MFF: variants seen among roughly 807,000 people sequenced by gnomAD.
MFF encodes mitochondrial fission factor.
MFF carries 12 observed loss-of-function variants against 36.9 expected under a neutral mutation model. The ratio of observed to expected loss-of-function variants is 0.33; its 90% CI spans 0.21 to 0.53. The LOEUF (loss-of-function observed/expected upper bound fraction) is 0.53, where lower values mean the gene tolerates loss of function less well. Ranked by LOEUF, MFF falls within the 20% of genes least tolerant of loss-of-function variation. The probability of loss-of-function intolerance (pLI) is 0.95; values close to 1 mark genes in which losing one functional copy is unlikely to be tolerated. For missense variants in MFF, 348 were observed against 366.6 expected (o/e 0.95, Z 0.42); for synonymous variants, 99 against 126.2 (o/e 0.78, Z 1.44).
intron 5 of MFF, among the ~76,000 whole-genome samples, chr2:227,343,066 TATA>T (rs533603160): frequency 7.3e-4 from 111 of 152,216 alleles, no homozygotes; most frequent in African/African-American, 2.6e-3. Flanking sequence ...GAACCTGAAA[TATA>T]ATATGCACAT....
At chr2:227,327,913 A>G (rs1025071760) in intron 1 of MFF, among the ~76,000 whole-genome samples, 2 of 152,214 alleles carry the variant, frequency 1.3e-5, no homozygotes, top group African/African-American at 4.8e-5. Context: ...AGAGCATCTC[A>G]TCTGGAATGA....
At chr2:227,327,259 T>C (rs1049895848) in intron 1 of MFF, among the ~76,000 whole-genome samples, 4 of 152,130 alleles carry the variant, frequency 2.6e-5, no homozygotes, top group Admixed American at 6.5e-5. Context: ...TATGAAATCA[T>C]CTGTGATTCT....
intron 6 of MFF, among the ~76,000 whole-genome samples, chr2:227,350,235 C>T (rs1367669577): frequency 1.3e-5 from 2 of 152,072 alleles, no homozygotes; most frequent in Non-Finnish European, 2.9e-5. Context: ...GTGTCATTTG[C>T]TCAGGTGCAG....
chr2:227,349,227 A>G (rs2075866962), intron 6 of MFF, among the ~76,000 whole-genome samples: 2 of 152,136 alleles, frequency 1.3e-5, no homozygotes, highest in Non-Finnish European at 2.9e-5. Flanking sequence ...ACCAGCATAT[A>G]CACAGTTCAT....
chr2:227,347,489 T>C, intron 6 of MFF, 105 bp downstream of exon 6: 1 of 864,680 alleles, frequency 1.2e-6, no homozygotes, highest in Non-Finnish European at 1.8e-6. Context: ...TCTAGCCTCT[T>C]TCTAAGATGC....
At position 227,352,460 on chromosome 2, in the gene MFF, C is replaced by T. The variant is rs2076045788; in HGVS notation, c.600-54C>T. The stretch of plus-strand genomic sequence containing the variant: ...TCTTGTTTTTGCTTTTATTTTATTA[C>T]TTCTCTGTTTCCTGATTCTGTCTTG... On this transcript the variant is annotated intron_variant, in intron 6 of 8. Transcript: ENST00000304593. The T allele has an allele frequency of 3.1e-6, 4 of 1,303,256 alleles. No homozygotes were observed. The highest frequency in any genetic ancestry group is 4.7e-5 in the East Asian group (2 of 42,780). The allele number at this position is 1,303,256 out of a possible 1,614,324, so 80.7% of individuals were successfully genotyped here.
rs759482426 is a variant in MFF, at chr2:227,355,757, G to A, written c.740G>A (p.Arg247Gln). 4.4e-6 allele frequency: 7 copies of A among 1,586,978 alleles called. No homozygotes were observed. Among genetic ancestry groups the A allele is most frequent in the South Asian group, 3.3e-5 (3 of 90,310 alleles). ...GTTGTAGATGCAGCTTCACTAAGAC[G>A]ACAGGTATTTAGTGTACCAAATAAG... ...LTVVDAASLR[R>Q]QIIKLNRRLQ... Residue 247 changes from arginine (R) to glutamine (Q), a missense_variant, in exon 8 of 9, where the codon CGA becomes CAA. Coordinates refer to ENST00000304593, the MANE Select transcript of MFF (RefSeq NM_001277062.2).
chr2:227,339,281 C>G (rs1457678212), intron 4 of MFF, among the ~76,000 whole-genome samples: 5 of 151,548 alleles, frequency 3.3e-5, no homozygotes, highest in Non-Finnish European at 5.9e-5. Context: ...TTCTGTGTAA[C>G]AAATCATCTT....
intron 3 of MFF, 151 bp from the exon 4 acceptor site, chr2:227,332,268 G>A (rs374751503): frequency 2.6e-5 from 16 of 607,012 alleles, no homozygotes; most frequent in South Asian, 7.1e-5. Context: ...CACCGCGCCC[G>A]GCCTGGAAGC....
At chr2:227,327,886 T>TA (rs2074276103) in intron 1 of MFF, among the ~76,000 whole-genome samples, 1 of 152,208 alleles carries the variant, frequency 6.6e-6, no homozygotes, top group Non-Finnish European at 1.5e-5. Flanking sequence ...ATGCTTGAGA[T>TA]ACACGCAAGT....
intron 8 of MFF, 68 bp from the exon 9 acceptor site, chr2:227,356,918 A>G (rs574591948): frequency 8.1e-7 from 1 of 1,227,090 alleles, no homozygotes. Context: ...CTTACTTTAT[A>G]AGAATCTGAT....
At chr2:227,338,732 A>T (rs1217667494) in intron 4 of MFF, among the ~76,000 whole-genome samples, 2 of 151,764 alleles carry the variant, frequency 1.3e-5, no homozygotes, top group African/African-American at 4.8e-5. Flanking sequence ...CAGGATGCCG[A>T]GGCAGGAGAA....
At chr2:227,341,267 T>C (rs753823369) in intron 5 of MFF, among the ~76,000 whole-genome samples, 4 of 146,906 alleles carry the variant, frequency 2.7e-5, no homozygotes, top group Admixed American at 2.1e-4. Context: ...GTTAGGGTCA[T>C]TGATATTAAA....
At chr2:227,334,251 T>C (rs2074818699) in intron 4 of MFF, among the ~76,000 whole-genome samples, 1 of 152,210 alleles carries the variant, frequency 6.6e-6, no homozygotes. Flanking sequence ...TAAATGTTAT[T>C]GTTAGGAGAG....
At chr2:227,329,808 G>C in intron 2 of MFF, 1 of 1,463,468 alleles carries the variant, frequency 6.8e-7, no homozygotes, top group Non-Finnish European at 9.3e-7. Context: ...ATTCAGTTGA[G>C]CTGGTATTAT....
chr2:227,343,470 CTAT>C (rs1483861946), intron 5 of MFF, among the ~76,000 whole-genome samples: 1 of 152,078 alleles, frequency 6.6e-6, no homozygotes, highest in Non-Finnish European at 1.5e-5. Context: ...TATTCTGGTT[CTAT>C]TATTATGCTT....
At chr2:227,338,755 G>A (rs1246051096) in intron 4 of MFF, among the ~76,000 whole-genome samples, 1 of 151,848 alleles carries the variant, frequency 6.6e-6, no homozygotes, top group Non-Finnish European at 1.5e-5. Flanking sequence ...GCTTGAACCC[G>A]GGAGGCAGAG....
intron 5 of MFF, among the ~76,000 whole-genome samples, chr2:227,344,168 A>G (rs2075576829): frequency 6.6e-6 from 1 of 152,240 alleles, no homozygotes; most frequent in Non-Finnish European, 1.5e-5. Context: ...AGCATGGTAA[A>G]CATCAGTGCT....
At chr2:227,329,900 C>T (rs571917461) in intron 2 of MFF, 8 of 598,622 alleles carry the variant, frequency 1.3e-5, no homozygotes, top group South Asian at 7.6e-5. Context: ...TTTGTATTGG[C>T]GGCAACATTC....
Sources: gnomAD v4.1 joint callset for allele counts (sites outside exome capture counted in the v4.1 genomes callset) on GRCh38, gnomAD v4.1.1 for gene constraint, MANE v1.5 for transcripts, NCBI Gene and HGNC (gene_info 2026-07-23, HGNC 2026-07-21) for gene names.